The following DNAJC24 variants were observed in gnomAD, a reference collection of about 807,000 sequenced individuals.
DNAJC24 encodes the protein DnaJ heat shock protein family (Hsp40) member C24.
In DNAJC24, 17 loss-of-function variants were observed where a neutral mutation model predicts 18.0. The ratio of observed to expected loss-of-function variants is 0.94; its 90% CI spans 0.65 to 1.42. DNAJC24 has a LOEUF of 1.42. Ranked by LOEUF, DNAJC24 falls within the 40% of genes most tolerant of loss-of-function variation. DNAJC24 has a pLI of 0.00. For missense variants in DNAJC24, 158 were observed against 175.6 expected, an observed-to-expected ratio of 0.90 and a Z score of 0.57; for synonymous variants, 55 against 57.7, an observed-to-expected ratio of 0.95 and a Z score of 0.21.
chr11:31,372,677 C>T (rs1330450853), intron 2 of DNAJC24, among the ~76,000 whole-genome samples: 1 of 135,744 alleles, frequency 7.4e-6, no homozygotes, highest in African/African-American at 2.5e-5. Flanking sequence ...TAAATCATTT[C>T]ACATATGCGC....
At chr11:31,369,988 GAA>G (rs1346604412) in intron 1 of DNAJC24, 76 bp downstream of exon 1, 1 of 152,522 alleles carries the variant, frequency 6.6e-6, no homozygotes. Flanking sequence ...TGTGAATGGA[GAA>G]GATTCCCAAG....
At chr11:31,417,797 T>C (rs1952764259) in intron 3 of DNAJC24, among the ~76,000 whole-genome samples, 1 of 152,082 alleles carries the variant, frequency 6.6e-6, no homozygotes, top group Admixed American at 6.6e-5. Flanking sequence ...TGGTGCTCTG[T>C]CTTAAGGAAA....
Position 31,432,357 on chromosome 11 carries a change from G to A in DNAJC24, c.*1956G>A, listed in dbSNP as rs1952935438. The A allele has an allele frequency of 1.8e-6, 1 of 566,460 alleles. No homozygotes were observed. The highest frequency in any genetic ancestry group is 2.9e-5 in the East Asian group (1 of 34,078). 35.1% of individuals were successfully genotyped at this position (566,460 alleles called of 1,614,324 possible). On this transcript the variant is annotated 3_prime_UTR_variant, in exon 5 of 5. Coordinates refer to ENST00000465995, the MANE Select transcript of DNAJC24 (RefSeq NM_181706.5). ...GAACTAACAGAACTTGGCAGAATGTGTGTTGAATATTCTTTACATTTAACA... is the reference window on the plus strand; with the variant it reads ...GAACTAACAGAACTTGGCAGAATGTATGTTGAATATTCTTTACATTTAACA...
intron 2 of DNAJC24, among the ~76,000 whole-genome samples, chr11:31,376,265 A>T (rs890486136): frequency 6.6e-6 from 1 of 152,144 alleles, no homozygotes; most frequent in Non-Finnish European, 1.5e-5. Context: ...TTTTCTTTAT[A>T]AATTGCTCAG....
At chr11:31,405,360 G>A (rs906779345) in intron 2 of DNAJC24, among the ~76,000 whole-genome samples, 5 of 149,458 alleles carry the variant, frequency 3.3e-5, no homozygotes, top group South Asian at 2.1e-4. Flanking sequence ...ATGAGCCACC[G>A]CACCCAGCCA....
chr11:31,415,660 A>G (rs78906683), intron 3 of DNAJC24: 1 of 152,194 alleles, frequency 6.6e-6, no homozygotes, highest in Non-Finnish European at 1.5e-5. Context: ...TGAACCTTCA[A>G]TATGCACCCC....
At chr11:31,390,088 A>G (rs1005447418) in intron 2 of DNAJC24, among the ~76,000 whole-genome samples, 9 of 152,176 alleles carry the variant, frequency 5.9e-5, no homozygotes, top group South Asian at 2.1e-4. Context: ...ACCAATAATA[A>G]GTAACGAGAT....
chr11:31,408,326 T>C (rs1298461896), intron 2 of DNAJC24: 2 of 389,406 alleles, frequency 5.1e-6, no homozygotes, highest in Non-Finnish European at 5.0e-6. Flanking sequence ...CTCTGAAGAT[T>C]TGAGGTGAGT....
chr11:31,393,485 T>G (rs1238956574), intron 2 of DNAJC24, among the ~76,000 whole-genome samples: 1 of 152,192 alleles, frequency 6.6e-6, no homozygotes, highest in Non-Finnish European at 1.5e-5. Context: ...TATGGGGTGA[T>G]TAGCCGTGAG....
chr11:31,398,388 A>G (rs1329080048), intron 2 of DNAJC24, among the ~76,000 whole-genome samples: 2 of 152,214 alleles, frequency 1.3e-5, no homozygotes, highest in Non-Finnish European at 2.9e-5. Flanking sequence ...AGAATGTTAC[A>G]TACCTGTATA....
At chr11:31,429,295 G>A (rs1952895479) in intron 4 of DNAJC24, among the ~76,000 whole-genome samples, 1 of 151,122 alleles carries the variant, frequency 6.6e-6, no homozygotes, top group African/African-American at 2.4e-5. Flanking sequence ...CTTGATAAGA[G>A]AGCAGGTACA....
intron 2 of DNAJC24, among the ~76,000 whole-genome samples, chr11:31,411,990 G>T (rs1952714707): frequency 6.6e-6 from 1 of 152,006 alleles, no homozygotes; most frequent in African/African-American, 2.4e-5. Flanking sequence ...ATTTTTTAAT[G>T]GAATGTACCC....
intron 2 of DNAJC24, among the ~76,000 whole-genome samples, chr11:31,385,844 A>C (rs1376868427): frequency 6.6e-6 from 1 of 152,194 alleles, no homozygotes; most frequent in Non-Finnish European, 1.5e-5. Context: ...GGAGGCATGG[A>C]GTAGGATAGG....
intron 2 of DNAJC24, among the ~76,000 whole-genome samples, chr11:31,412,221 T>C (rs568567489): frequency 7.9e-5 from 12 of 152,214 alleles, no homozygotes; most frequent in African/African-American, 1.2e-4. Flanking sequence ...CTGGGTCAGA[T>C]TGGTGCATGA....
chr11:31,427,096 T>A (rs1952870304), intron 4 of DNAJC24: 1 of 152,150 alleles, frequency 6.6e-6, no homozygotes, highest in Non-Finnish European at 1.5e-5. Context: ...TTTCCTAGAA[T>A]CTTTATATAT....
intron 2 of DNAJC24, among the ~76,000 whole-genome samples, chr11:31,372,245 C>G (rs972735936): frequency 1.2e-5 from 1 of 83,406 alleles, no homozygotes; most frequent in African/African-American, 3.0e-5. Context: ...TACCGACGTC[C>G]GGTTAACTCA....
In DNAJC24 at chr11:31,430,485, AT is replaced by A; in HGVS notation, c.*86del. On this transcript the variant is annotated 3_prime_UTR_variant, in exon 5 of 5. Transcript: ENST00000465995. ...GAGCTTTGTCCATTCAAGGAAATGGATTATTTGTCAGCCCGATTATTTGCAA... is the reference window on the plus strand; with the variant it reads ...GAGCTTTGTCCATTCAAGGAAATGGATATTTGTCAGCCCGATTATTTGCAA... The A allele has an allele frequency of 8.0e-7, 1 of 1,254,568 alleles. No individual in the cohort carries two copies. 77.7% of individuals were successfully genotyped at this position (1,254,568 alleles called of 1,614,324 possible).
chr11:31,373,380 C>G (rs1952284597), intron 2 of DNAJC24, among the ~76,000 whole-genome samples: 1 of 134,368 alleles, frequency 7.4e-6, no homozygotes, highest in African/African-American at 2.5e-5. Flanking sequence ...GTGCCAGCAT[C>G]ATTTGTTGAA....
At chr11:31,403,558 A>T (rs745644689) in intron 2 of DNAJC24, among the ~76,000 whole-genome samples, 3 of 152,168 alleles carry the variant, frequency 2.0e-5, no homozygotes, top group Non-Finnish European at 4.4e-5. Context: ...TTGTGTAAAT[A>T]CTTGGGGTCA....
Sources: gnomAD v4.1 joint callset for allele counts (sites outside exome capture counted in the v4.1 genomes callset) on GRCh38, gnomAD v4.1.1 for gene constraint, MANE v1.5 for transcripts, NCBI Gene and HGNC (gene_info 2026-07-23, HGNC 2026-07-21) for gene names.